Variants in ST6GALNAC1 observed in about 807,000 individuals in gnomAD.
ST6GALNAC1 encodes the protein alpha-N-acetylgalactosaminide alpha-2,6-sialyltransferase 1.
ST6GALNAC1 carries 45 observed loss-of-function variants against 56.8 expected under a neutral mutation model. The ratio of observed to expected loss-of-function variants is 0.79; its 90% confidence interval spans 0.62 to 1.02. ST6GALNAC1 has a LOEUF of 1.02. Among genes scored for constraint, ST6GALNAC1 ranks in the 50% least tolerant of loss-of-function variants. The pLI is 0.00. For missense variants in ST6GALNAC1, 743 were observed against 754.8 expected (o/e 0.98, Z 0.18); for synonymous variants, 295 against 297.8 (o/e 0.99, Z 0.10).
At chr17:76,626,261 A>G in intron 6 of ST6GALNAC1, 28 bp downstream of exon 6, 1 of 1,608,958 alleles carries the variant, frequency 6.2e-7, no homozygotes, top group Non-Finnish European at 8.5e-7. Flanking sequence ...AGCCTGGGAT[A>G]AGGGGATGGC....
At chr17:76,638,037 C>G (rs1483801862) in intron 1 of ST6GALNAC1, among the ~76,000 whole-genome samples, 1 of 151,370 alleles carries the variant, frequency 6.6e-6, no homozygotes, top group Admixed American at 6.6e-5. Flanking sequence ...GCCATGCTGG[C>G]CAGGCTGGAG....
At chr17:76,634,629 T>C (rs906735990) in intron 1 of ST6GALNAC1, among the ~76,000 whole-genome samples, 2 of 38,244 alleles carry the variant, frequency 5.2e-5, no homozygotes, top group Admixed American at 8.1e-4. Context: ...ATCCCAGCAC[T>C]TTGGGAGGCC....
At chr17:76,634,132 C>T (rs1567959052) in intron 1 of ST6GALNAC1, among the ~76,000 whole-genome samples, 1 of 152,186 alleles carries the variant, frequency 6.6e-6, no homozygotes, top group Non-Finnish European at 1.5e-5. Context: ...GGAGAGCGAG[C>T]GGAAGTGGCT....
chr17:76,641,638 C>T (rs577495262), intron 1 of ST6GALNAC1, among the ~76,000 whole-genome samples: 1 of 152,310 alleles, frequency 6.6e-6, no homozygotes, highest in African/African-American at 2.4e-5. Flanking sequence ...TTGCACCTGT[C>T]AGTGTAGCAT....
rs1162664752 is a variant in ST6GALNAC1 at position 76,625,521 on chromosome 17, C to A, written c.1612G>T (p.Ala538Ser). 5.6e-6 allele frequency: 9 copies of A among 1,613,770 alleles called. No homozygotes were observed. The South Asian group carries it at 8.8e-5, about 16-fold the overall frequency. Residue 538 changes from alanine to serine, a missense_variant, in exon 9 of 9, where the codon GCT becomes TCT. Physicochemically the swap from Ala to Ser is moderately conservative, Grantham distance 99 (BLOSUM62 1). Transcript: ENST00000156626. ...TGGCCCTCAGTGATGAAGCCATAAGCACTCACCTACATCACGGTTGGAGGA... is the reference window on the plus strand; with the variant it reads ...TGGCCCTCAGTGATGAAGCCATAAGAACTCACCTACATCACGGTTGGAGGA... ...TALQLCDQVS[A>S]YGFITEGHER...
At position 76,627,253 on chromosome 17, in the gene ST6GALNAC1, G is replaced by A; in HGVS notation, c.1001-15C>T. On this transcript the variant is annotated splice_polypyrimidine_tract_variant and intron_variant, in intron 3 of 8. Coordinates refer to ENST00000156626, the MANE Select transcript of ST6GALNAC1 (RefSeq NM_018414.5). The surrounding 1 kb of genome is among the most constrained non-coding windows in gnomAD (Gnocchi z 4.4). The stretch of plus-strand genomic sequence containing the variant: ...CTTCTGCACCACTGGAACAAGAGTG[G>A]GGGTGCTCCATTCAGAGCCCTGGGA... The A allele has an allele frequency of 1.9e-6, 3 of 1,552,818 alleles. No homozygotes were observed. Among genetic ancestry groups the A allele is most frequent in the Non-Finnish European group, 2.6e-6 (3 of 1,148,440 alleles).
chr17:76,626,790 C>T lies in ST6GALNAC1; in HGVS notation c.1173-1G>A. 6.2e-7 allele frequency: 1 copy of T among 1,613,890 alleles called. No homozygotes were observed. The highest frequency in any genetic ancestry group is 8.5e-7 in the Non-Finnish European group (1 of 1,180,042). On this transcript the variant is annotated splice_acceptor_variant, in intron 4 of 8. Coordinates refer to ENST00000156626, the MANE Select transcript of ST6GALNAC1 (RefSeq NM_018414.5). LOFTEE classifies it high-confidence loss of function. ...GCCTTTAATGAGAGCTCCGCTCAAT[C>T]TGTGCAGAAAGACACAATCAGACGG...
intron 1 of ST6GALNAC1, among the ~76,000 whole-genome samples, chr17:76,637,252 C>G (rs2075988048): frequency 1.3e-5 from 1 of 77,576 alleles, no homozygotes; most frequent in Non-Finnish European, 2.4e-5. Context: ...GAGAAACACC[C>G]AAGAATGATC....
intron 1 of ST6GALNAC1, among the ~76,000 whole-genome samples, chr17:76,641,184 GC>G: frequency 6.6e-6 from 1 of 152,278 alleles, no homozygotes; most frequent in Non-Finnish European, 1.5e-5. Context: ...TCTGTAATAT[GC>G]TTCCCCCTGC....
intron 1 of ST6GALNAC1, among the ~76,000 whole-genome samples, chr17:76,641,390 A>T (rs57139199): frequency 0.19 from 29,376 of 152,120 alleles, 3,619 homozygotes; most frequent in African/African-American, 0.35. Context: ...TATGATAAAA[A>T]GGTTAATATC....
At chr17:76,622,183 CAT>C (rs201967554), downstream of ST6GALNAC1, among the ~76,000 whole-genome samples, 25 of 146,590 alleles carry the variant, frequency 1.7e-4, no homozygotes, top group Admixed American at 2.0e-4. Flanking sequence ...AGTTGCTGTT[CAT>C]ATATATATAT....
rs719430 is a variant in ST6GALNAC1 at position 76,643,448 on chromosome 17, T to C, written c.131+60A>G. 0.49 allele frequency: 775,324 copies of C among 1,588,266 alleles called. 198,363 individuals are homozygous for C. Among genetic ancestry groups the C allele is most frequent in the Non-Finnish European group, 0.54 (624,318 of 1,164,874 alleles). ...GACTTCCCCAGTCCTCCCTGGGCTATCATTTTTCTGTTTCCTCAAATGAAT... is the reference window on the plus strand; with the variant it reads ...GACTTCCCCAGTCCTCCCTGGGCTACCATTTTTCTGTTTCCTCAAATGAAT... On this transcript the variant is annotated intron_variant, in intron 1 of 8. Coordinates refer to ENST00000156626, the MANE Select transcript of ST6GALNAC1 (RefSeq NM_018414.5).
At chr17:76,629,790 T>TG (rs2075866677) in intron 1 of ST6GALNAC1, 79 bp from the exon 2 acceptor site, 23 of 1,188,390 alleles carry the variant, frequency 1.9e-5, no homozygotes, top group South Asian at 3.0e-5. Context: ...TTTGTTTTTT[T>TG]TTTTTTTTTT....
At position 76,643,666 on chromosome 17, in the gene ST6GALNAC1, T is replaced by G. The variant is rs1352889209; in HGVS notation, c.-28A>C. 6.2e-7 allele frequency: 1 copy of G among 1,611,598 alleles called. No homozygotes were observed. Among genetic ancestry groups the G allele is most frequent in the South Asian group, 1.1e-5 (1 of 90,916 alleles). ...TGGTGGGTCGGGTTCTAGAGGAAGG[T>G]TCTGCATGTCCTGGGGCCTTGATGT... On this transcript the variant is annotated 5_prime_UTR_variant, in exon 1 of 9. Coordinates refer to ENST00000156626, the MANE Select transcript of ST6GALNAC1 (RefSeq NM_018414.5).
intron 1 of ST6GALNAC1, among the ~76,000 whole-genome samples, chr17:76,639,529 C>A (rs534564403): frequency 6.6e-6 from 1 of 151,984 alleles, no homozygotes; most frequent in Non-Finnish European, 1.5e-5. Context: ...GAGCCAAGAT[C>A]GCGCCACTGC....
chr17:76,621,346 C>A (rs1042743551), downstream of ST6GALNAC1, among the ~76,000 whole-genome samples: 5 of 151,126 alleles, frequency 3.3e-5, no homozygotes, highest in Admixed American at 6.6e-5. Flanking sequence ...CCACGCCCAG[C>A]TAATTTTTGT....
chr17:76,626,172 G>T, intron 6 of ST6GALNAC1, 77 bp from the exon 7 acceptor site: 1 of 1,554,496 alleles, frequency 6.4e-7, no homozygotes, highest in South Asian at 1.1e-5. Flanking sequence ...TCATGAGCAT[G>T]ACTGGTATCC....
intron 1 of ST6GALNAC1, among the ~76,000 whole-genome samples, chr17:76,630,889 T>A (rs1056356415): frequency 1.9e-4 from 18 of 96,990 alleles, no homozygotes; most frequent in African/African-American, 6.1e-4. Context: ...CCGCGCCCAA[T>A]TTTTTTTTTT....
chr17:76,623,521 G>A (rs75534985), downstream of ST6GALNAC1, among the ~76,000 whole-genome samples: 689 of 152,292 alleles, frequency 4.5e-3, 1 homozygote, highest in Middle Eastern at 0.01. Context: ...GTCTACTTCT[G>A]TGTCTTTCAG....
Sources: allele counts gnomAD v4.1 joint callset (sites outside exome capture counted in the v4.1 genomes callset), GRCh38; gene constraint gnomAD v4.1.1; non-coding constraint Gnocchi (gnomAD v3.1); transcripts MANE v1.5; gene names NCBI Gene and HGNC (gene_info 2026-07-23, HGNC 2026-07-21).